Variants in ABCC8 observed in about 807,000 individuals in gnomAD.
ABCC8 encodes the protein ATP-binding cassette sub-family C member 8.
ABCC8 carries 137 observed loss-of-function variants against 188.0 expected under a neutral mutation model. That is an observed-to-expected ratio of 0.73 (90% CI 0.63 to 0.84). The LOEUF (loss-of-function observed/expected upper bound fraction) is 0.84. Ranked by LOEUF, ABCC8 falls within the 40% of genes least tolerant of loss-of-function variation. The pLI is 0.00. For missense variants in ABCC8, 1,750 were observed against 2,072.7 expected, an observed-to-expected ratio of 0.84 and a Z score of 3.02; for synonymous variants, 797 against 846.5, an observed-to-expected ratio of 0.94 and a Z score of 1.01.
chr11:17,432,416 A>G, intron 10 of ABCC8, 172 bp from the exon 11 acceptor site: 1 of 1,394,954 alleles, frequency 7.2e-7, no homozygotes, highest in Middle Eastern at 2.6e-4. Flanking sequence ...TCCTCACCCC[A>G]TTTCCCTCAG....
At chr11:17,418,821 C>T (rs143344676) in intron 16 of ABCC8, among the ~76,000 whole-genome samples, 190 of 152,280 alleles carry the variant, frequency 1.2e-3, no homozygotes, top group South Asian at 7.5e-3. Flanking sequence ...TTTTTCAGCC[C>T]CCATGGTGCT....
intron 16 of ABCC8, among the ~76,000 whole-genome samples, chr11:17,423,356 CA>C (rs58524307): frequency 3.4e-3 from 213 of 63,326 alleles, no homozygotes; most frequent in South Asian, 5.3e-3. Context: ...GACTCCGTCT[CA>C]AAAAAAAAAA....
intron 28 of ABCC8, 109 bp from the exon 29 acceptor site, chr11:17,402,862 C>A: frequency 7.4e-7 from 1 of 1,349,794 alleles, no homozygotes; most frequent in Non-Finnish European, 1.1e-6. Flanking sequence ...GGCCTTACCT[C>A]TCTAGGCCTC....
intron 6 of ABCC8, among the ~76,000 whole-genome samples, chr11:17,457,773 A>G (rs1957048050): frequency 1.3e-5 from 2 of 152,190 alleles, no homozygotes; most frequent in African/African-American, 4.8e-5. Context: ...TGCGGATACC[A>G]AGGATGACAT....
Position 17,474,945 on chromosome 11 carries a change from C to T in ABCC8, c.231G>A (p.Leu77=), listed in dbSNP as rs995709683. ...HFPGHNLRWI[L]TFMLLFVLVC... ...CCAGGACGAAGAGCAGCATGAAGGT[C>T]AGGATCCACCGCAGGTTGTGCCCAG... The change falls in exon 2 of 39, where the codon CTG becomes CTA. Residue 77 remains leucine, a synonymous_variant. Transcript: ENST00000389817. The T allele has an allele frequency of 9.3e-6, 15 of 1,614,084 alleles. No individual in the cohort carries two copies. Among genetic ancestry groups the T allele is most frequent in the Non-Finnish European group, 1.1e-5 (13 of 1,180,052 alleles).
chr11:17,403,045 G>T (rs1477935499), intron 28 of ABCC8, among the ~76,000 whole-genome samples: 1 of 152,248 alleles, frequency 6.6e-6, no homozygotes. Context: ...TACTTCTGCT[G>T]CACAGCCTGG....
intron 12 of ABCC8, chr11:17,430,463 T>C (rs1955794352): frequency 5.4e-6 from 2 of 372,888 alleles, no homozygotes; most frequent in South Asian, 2.3e-5. Context: ...GGGGACGGGA[T>C]GGCCTCATTC....
intron 10 of ABCC8, among the ~76,000 whole-genome samples, chr11:17,436,573 T>C (rs1956105941): frequency 6.6e-6 from 1 of 152,184 alleles, no homozygotes; most frequent in Non-Finnish European, 1.5e-5. Context: ...AGAAGAACAT[T>C]ATAGTGCTCA....
In ABCC8 at chr11:17,406,934, C is replaced by T. The variant is rs1429748951; in HGVS notation, c.3116G>A (p.Ser1039Asn). ...GGCTGCAGGGGTCAGGGTCAGGGCG[C>T]TGTCGGTCCACTTGGCCAGCCAGTA... is the stretch of plus-strand genomic sequence containing the variant. Reference protein sequence around the residue: ...IDYWLAKWTDSALTLTPAARN... With the variant: ...IDYWLAKWTDNALTLTPAARN... Residue 1039 changes from serine to asparagine, a missense_variant, in exon 25 of 39, where the codon AGC becomes AAC. Transcript: ENST00000389817. The T allele has an allele frequency of 1.2e-6, 2 of 1,614,146 alleles. No homozygotes were observed. The highest frequency in any genetic ancestry group is 1.7e-6 in the Non-Finnish European group (2 of 1,180,046).
At chr11:17,394,193 G>C in intron 37 of ABCC8, 73 bp downstream of exon 37, 1 of 1,565,354 alleles carries the variant, frequency 6.4e-7, no homozygotes, top group Non-Finnish European at 8.8e-7. Context: ...GGACTACTTC[G>C]TGCAAATTTC....
In ABCC8 at chr11:17,463,528, G is replaced by A. The variant is rs556715524; in HGVS notation, c.489C>T (p.Gly163=). 1.9e-6 allele frequency: 3 copies of A among 1,599,294 alleles called. No individual in the cohort carries two copies. The highest frequency in any genetic ancestry group is 1.3e-5 in the African/African-American group (1 of 74,864). The change falls in exon 4 of 39, where the codon GGC becomes GGT. Residue 163 remains glycine (G), a synonymous_variant. Transcript: ENST00000389817. ...KFVKFLDHAI[G]FSQLRFCLTG... ...TGAGGCAGAAGCGTAGCTGCGAGAA[G>A]CCGATGGCGTGGTCCAAGAACTTGA...
At chr11:17,434,984 C>CGT (rs57580521) in intron 10 of ABCC8, among the ~76,000 whole-genome samples, 10,479 of 144,670 alleles carry the variant, frequency 0.072, 631 homozygotes, top group East Asian at 0.32. Flanking sequence ...CGTGTGTTCG[C>CGT]GTGTGTGTGT....
At chr11:17,443,079 G>T in intron 9 of ABCC8, 99 bp downstream of exon 9, 1 of 1,534,740 alleles carries the variant, frequency 6.5e-7, no homozygotes, top group Non-Finnish European at 9.0e-7. Context: ...CAAAGTCAAA[G>T]TCAAAGTCAA....
At chr11:17,402,056 G>A (rs984924144) in intron 29 of ABCC8, among the ~76,000 whole-genome samples, 18 of 152,194 alleles carry the variant, frequency 1.2e-4, no homozygotes, top group African/African-American at 4.3e-4. Context: ...ACGCCTGCAG[G>A]GCAGCGGCTT....
rs964433091 is a variant in ABCC8, at chr11:17,396,593, G to A, written c.4119+323C>T. On this transcript the variant is annotated intron_variant, in intron 33 of 38. Transcript: ENST00000389817. ...CCCAGGTCCCTGCCCTGAAGCTCGG[G>A]GCAGTGCCCTAGGGAAAGCCCCTGA... 3 of 392,066 alleles carry A rather than the reference G, an allele frequency of 7.7e-6. No individual in the cohort carries two copies. In the Admixed American group the frequency reaches 1.2e-4, roughly 15 times the overall value. 24.3% of individuals were successfully genotyped at this position (392,066 alleles called of 1,614,324 possible).
At chr11:17,432,729 T>C (rs923129084) in intron 10 of ABCC8, among the ~76,000 whole-genome samples, 1 of 152,158 alleles carries the variant, frequency 6.6e-6, no homozygotes, top group African/African-American at 2.4e-5. Context: ...TATTAGTAAC[T>C]AAGGACAGCT....
intron 8 of ABCC8, 100 bp downstream of exon 8, chr11:17,448,415 TG>T: frequency 1.9e-6 from 2 of 1,054,706 alleles, no homozygotes; most frequent in Non-Finnish European, 3.0e-6. Context: ...CAGGCAAGCA[TG>T]GAGTGGAAGA....
intron 10 of ABCC8, among the ~76,000 whole-genome samples, chr11:17,440,776 G>T (rs1348507087): frequency 6.6e-6 from 1 of 152,208 alleles, no homozygotes; most frequent in African/African-American, 2.4e-5. Flanking sequence ...TGGACTCCTG[G>T]GGTATTCATG....
intron 10 of ABCC8, among the ~76,000 whole-genome samples, chr11:17,437,491 C>A (rs1294574622): frequency 6.6e-6 from 1 of 152,248 alleles, no homozygotes; most frequent in Non-Finnish European, 1.5e-5. Context: ...GAGGAGCATG[C>A]AGGCTCACAG....
Sources: allele counts gnomAD v4.1 joint callset (sites outside exome capture counted in the v4.1 genomes callset), GRCh38; gene constraint gnomAD v4.1.1; transcripts MANE v1.5; gene names NCBI Gene and HGNC (gene_info 2026-07-23, HGNC 2026-07-21).